The following LRCH2 variants were observed in gnomAD, a reference collection of about 807,000 sequenced individuals.
The protein encoded by LRCH2 is leucine rich repeats and calponin homology domain containing 2.
Under a neutral mutation model 68.9 loss-of-function variants are expected in LRCH2, and 38 were observed. The ratio of observed to expected loss-of-function variants is 0.55; its 90% CI spans 0.43 to 0.72. LRCH2 has a LOEUF of 0.72. Among genes scored for constraint, LRCH2 ranks in the 30% least tolerant of loss-of-function variants. LRCH2 has a pLI of 0.00. For synonymous variants in LRCH2, 191 were observed against 208.1 expected, an observed-to-expected ratio of 0.92 and a Z score of 0.71; for missense variants, 528 against 572.9, an observed-to-expected ratio of 0.92 and a Z score of 0.80.
At chrX:115,176,849 C>A (rs1368988080) in intron 5 of LRCH2, among the ~76,000 whole-genome samples, 1 of 106,050 alleles carries the variant, frequency 9.4e-6, no homozygotes, top group Non-Finnish European at 1.9e-5. Flanking sequence ...AAGGATCAAG[C>A]GATTCTCGTG....
intron 20 of LRCH2, among the ~76,000 whole-genome samples, chrX:115,122,255 C>A (rs1556526268): frequency 9.4e-6 from 1 of 106,441 alleles, no homozygotes; most frequent in East Asian, 3.0e-4. Context: ...GACATCACAA[C>A]CAAGTTGTAA....
At chrX:115,192,708 T>C (rs1364815566) in intron 1 of LRCH2, 1 of 1,054,532 alleles carries the variant, frequency 9.5e-7, no homozygotes, top group Non-Finnish European at 1.3e-6. Flanking sequence ...ACCTGTTCTA[T>C]GTTAACTACC....
At chrX:115,202,313 T>TA (rs1169917137) in intron 1 of LRCH2, among the ~76,000 whole-genome samples, 2 of 111,330 alleles carry the variant, frequency 1.8e-5, no homozygotes, top group Non-Finnish European at 3.8e-5. Flanking sequence ...TAGTGAATGC[T>TA]AAAAAATGGT....
intron 1 of LRCH2, chrX:115,189,452 C>T (rs1556556038): frequency 8.6e-7 from 1 of 1,168,641 alleles, no homozygotes; most frequent in Non-Finnish European, 1.1e-6. Context: ...ATGATGGAAG[C>T]GGATCGCCCA....
intron 16 of LRCH2, among the ~76,000 whole-genome samples, chrX:115,125,617 ATG>A (rs1556527624): frequency 8.7e-5 from 7 of 80,848 alleles, no homozygotes; most frequent in Admixed American, 1.5e-4. Context: ...GTATATATAT[ATG>A]TATATATATA....
chrX:115,155,708 C>T (rs986846896), intron 12 of LRCH2, among the ~76,000 whole-genome samples: 5 of 111,573 alleles, frequency 4.5e-5, no homozygotes, highest in African/African-American at 1.6e-4. Flanking sequence ...CTTACAGTAA[C>T]CATGAGGTAG....
At chrX:115,174,785 T>C (rs936265848) in intron 5 of LRCH2, among the ~76,000 whole-genome samples, 2 of 111,652 alleles carry the variant, frequency 1.8e-5, no homozygotes, top group African/African-American at 6.5e-5. Flanking sequence ...TACTTGGTTT[T>C]GCTCCCATTT....
intron 1 of LRCH2, among the ~76,000 whole-genome samples, chrX:115,232,294 C>T (rs2073157972): frequency 9.2e-6 from 1 of 108,712 alleles, no homozygotes; most frequent in Non-Finnish European, 1.9e-5. Flanking sequence ...AAAAAAATCA[C>T]TATAATGATG....
At chrX:115,160,305 G>A (rs1348678979) in intron 11 of LRCH2, among the ~76,000 whole-genome samples, 1 of 110,661 alleles carries the variant, frequency 9.0e-6, no homozygotes, top group Non-Finnish European at 1.9e-5. Context: ...AACAGAGTGA[G>A]ACTCCGTCTC....
intron 16 of LRCH2, among the ~76,000 whole-genome samples, chrX:115,125,471 A>G (rs1272624230): frequency 0.36 from 200 of 563 alleles, 8 homozygotes; most frequent in East Asian, 0.5. Flanking sequence ...ATATATATAT[A>G]TATATATATA....
At chrX:115,129,113 A>G in intron 15 of LRCH2, among the ~76,000 whole-genome samples, 1 of 112,064 alleles carries the variant, frequency 8.9e-6, no homozygotes, top group Non-Finnish European at 1.9e-5. Flanking sequence ...AGGTAGGAAG[A>G]TGGATAAAAT....
chrX:115,176,048 G>A (rs2072644334), intron 5 of LRCH2, among the ~76,000 whole-genome samples: 1 of 112,082 alleles, frequency 8.9e-6, no homozygotes, highest in Admixed American at 9.5e-5. Context: ...TACCCAGTCA[G>A]TGTCTGCTGG....
In LRCH2 at chrX:115,234,061, G is replaced by A. The variant is rs1268861652; in HGVS notation, c.-20C>T. 3.5e-6 allele frequency: 4 copies of A among 1,157,531 alleles called. No individual in the cohort carries two copies. Among genetic ancestry groups the A allele is most frequent in the Non-Finnish European group, 4.6e-6 (4 of 868,914 alleles). ...CGCCATGTTCCTGGGAGAGAGAATA[G>A]CCCCCGACAATACTGTCAGCCTGTG... On this transcript the variant is annotated 5_prime_UTR_variant, in exon 1 of 21. Coordinates refer to ENST00000317135, the MANE Select transcript of LRCH2 (RefSeq NM_020871.4).
chrX:115,208,451 G>A, intron 1 of LRCH2, among the ~76,000 whole-genome samples: 1 of 111,829 alleles, frequency 8.9e-6, no homozygotes, highest in African/African-American at 3.3e-5. Context: ...ACTGCTGGCA[G>A]TCTATTAGAG....
chrX:115,197,847 T>TCTCACACACA (rs782358260), intron 1 of LRCH2, among the ~76,000 whole-genome samples: 3 of 20,569 alleles, frequency 1.5e-4, no homozygotes, highest in African/African-American at 5.8e-4. Context: ...TCTCTCTCTC[T>TCTCACACACA]CACACACACA....
chrX:115,140,059 C>T (rs782621469), intron 14 of LRCH2, among the ~76,000 whole-genome samples: 1 of 111,103 alleles, frequency 9.0e-6, no homozygotes, highest in African/African-American at 3.3e-5. Flanking sequence ...CCTCCCCCAA[C>T]CCCAGACAGT....
At chrX:115,195,480 C>T (rs914003933) in intron 1 of LRCH2, among the ~76,000 whole-genome samples, 2 of 108,193 alleles carry the variant, frequency 1.8e-5, no homozygotes, top group Admixed American at 2.0e-4. Flanking sequence ...ACACAGTAAC[C>T]AAAGAAGTTC....
At chrX:115,206,866 C>A (rs1193855690) in intron 1 of LRCH2, among the ~76,000 whole-genome samples, 19 of 78,861 alleles carry the variant, frequency 2.4e-4, no homozygotes, top group Non-Finnish European at 1.3e-4. Flanking sequence ...TGGGTAAATA[C>A]AATAACAGTG....
chrX:115,122,754 A>T lies in LRCH2; in HGVS notation c.2100+6T>A. 1.7e-6 allele frequency: 2 copies of T among 1,208,534 alleles called. No individual in the cohort carries two copies. The highest frequency in any genetic ancestry group is 2.2e-6 in the Non-Finnish European group (2 of 894,418). ...AGAGAACTAACAAATTGTAAACAAA[A>T]CTTACCACTGCTGGTGATGGTACAT... On this transcript the variant is annotated splice_donor_region_variant and intron_variant, in intron 19 of 20. Transcript: ENST00000317135.
Sources: gnomAD v4.1 joint callset for allele counts (sites outside exome capture counted in the v4.1 genomes callset) on GRCh38, gnomAD v4.1.1 for gene constraint, MANE v1.5 for transcripts, NCBI Gene and HGNC (gene_info 2026-07-23, HGNC 2026-07-21) for gene names.